The following SLC30A10 variants were observed in gnomAD, a reference collection of about 807,000 sequenced individuals.
The protein encoded by SLC30A10 is solute carrier family 30 member 10, also known as calcium/manganese antiporter SLC30A10.
A neutral mutation model predicts 21.7 loss-of-function variants in SLC30A10; 8 were observed. The ratio of observed to expected loss-of-function variants is 0.37; its 90% CI spans 0.22 to 0.67. The LOEUF is 0.67. SLC30A10 is among the 30% of genes least tolerant of loss of function. The pLI, the probability that SLC30A10 is intolerant of heterozygous loss-of-function variation, is 0.58. For missense variants in SLC30A10, 521 were observed against 642.5 expected (o/e 0.81, Z 2.04); for synonymous variants, 272 against 279.4 (o/e 0.97, Z 0.26).
At chr1:219,943,935 TA>T in intron 1 of SLC30A10, among the ~76,000 whole-genome samples, 1 of 151,362 alleles carries the variant, frequency 6.6e-6, no homozygotes, top group East Asian at 2.0e-4. Flanking sequence ...CCGTCTCTAC[TA>T]AAAAATATAA....
intron 1 of SLC30A10, among the ~76,000 whole-genome samples, chr1:219,951,494 T>G (rs983310747): frequency 6.6e-6 from 1 of 151,334 alleles, no homozygotes; most frequent in Non-Finnish European, 1.5e-5. Flanking sequence ...GGCCGAGGCG[T>G]GTGGATCACG....
intron 1 of SLC30A10, among the ~76,000 whole-genome samples, chr1:219,940,982 C>G (rs1339689503): frequency 6.6e-6 from 1 of 152,138 alleles, no homozygotes; most frequent in African/African-American, 2.4e-5. Flanking sequence ...TAATAAATAT[C>G]TGACCCAGAA....
Position 219,912,596 on chromosome 1 carries a change from A to G in SLC30A10, c.*2853T>C, listed in dbSNP as rs1659439748. Reference sequence around the variant, plus strand: ...ACGCCTGTAATCCCAGCACTTTGGGAGGCCGAGGTGGGTGGATCACAAGGT... The same window carrying G: ...ACGCCTGTAATCCCAGCACTTTGGGGGGCCGAGGTGGGTGGATCACAAGGT... On this transcript the variant is annotated 3_prime_UTR_variant, in exon 4 of 4. Transcript: ENST00000366926. Among the ~76,000 whole-genome samples, 1 of 152,186 alleles carries G rather than the reference A, an allele frequency of 6.6e-6. No homozygotes were observed. Among genetic ancestry groups the G allele is most frequent in the African/African-American group, 2.4e-5 (1 of 41,440 alleles).
chr1:219,915,636 T>A lies in SLC30A10; in HGVS notation c.1271A>T (p.His424Leu). 1.9e-6 allele frequency: 3 copies of A among 1,614,238 alleles called. No homozygotes were observed. The highest frequency in any genetic ancestry group is 2.5e-6 in the Non-Finnish European group (3 of 1,180,046). ...CCPPGALPLA[H>L]VNGCAEHNGG... ...ATTGTGCTCAGCACAGCCATTGACG[T>A]GAGCCAGAGGCAGTGCCCCGGGGGG... Residue 424 changes from histidine to leucine, a missense_variant, in exon 4 of 4, where the codon CAC becomes CTC. Coordinates refer to ENST00000366926, the MANE Select transcript of SLC30A10 (RefSeq NM_018713.3).
chr1:219,949,338 CA>C (rs1233391511), intron 1 of SLC30A10, among the ~76,000 whole-genome samples: 3 of 151,946 alleles, frequency 2.0e-5, no homozygotes, highest in African/African-American at 7.3e-5. Flanking sequence ...TTCACAATAG[CA>C]AAGACTTGGA....
chr1:219,937,258 T>C (rs1290454841), intron 1 of SLC30A10, among the ~76,000 whole-genome samples: 1 of 152,234 alleles, frequency 6.6e-6, no homozygotes, highest in Non-Finnish European at 1.5e-5. Context: ...TCTGCCTAGA[T>C]GCCTGTGGGA....
In SLC30A10 at chr1:219,950,742, G is replaced by C. The variant is rs1026737055; in HGVS notation, n.80+7826C>G. Among the ~76,000 whole-genome samples the C allele has an allele frequency of 1.3e-4, 20 of 150,912 alleles. No homozygotes were observed. In the East Asian group the frequency reaches 3.8e-3, roughly 28 times the overall value. On this transcript the variant is annotated intron_variant and non_coding_transcript_variant, in intron 1 of 8. Transcript: ENST00000484239. Reference sequence around the variant, plus strand: ...AGACAGGTGGATCACCTGAGGTCAGGAGTTTGAGACCAGCCTAGCCAACAT... The same window carrying C: ...AGACAGGTGGATCACCTGAGGTCAGCAGTTTGAGACCAGCCTAGCCAACAT...
intron 1 of SLC30A10, among the ~76,000 whole-genome samples, chr1:219,935,947 T>C (rs770082112): frequency 1.3e-5 from 2 of 152,212 alleles, no homozygotes; most frequent in Non-Finnish European, 2.9e-5. Context: ...ATAAAATCTT[T>C]TGTAAATCTA....
At chr1:219,916,779 G>A (rs748894923) in intron 3 of SLC30A10, among the ~76,000 whole-genome samples, 4 of 152,098 alleles carry the variant, frequency 2.6e-5, no homozygotes, top group Non-Finnish European at 5.9e-5. Context: ...ACTGCATGAC[G>A]TTAGGCAATT....
At chr1:219,952,817 G>C (rs1226542520) in intron 1 of SLC30A10, among the ~76,000 whole-genome samples, 1 of 152,128 alleles carries the variant, frequency 6.6e-6, no homozygotes, top group Admixed American at 6.5e-5. Context: ...TAAGAACAAA[G>C]AGATGGTCTC....
At chr1:219,930,031 T>G (rs1694586), upstream of SLC30A10, among the ~76,000 whole-genome samples, 9,093 of 152,158 alleles carry the variant, frequency 0.06, 900 homozygotes, top group African/African-American at 0.21. Context: ...CCATAGAGGA[T>G]TTGAAGGTGC....
At chr1:219,925,115 G>C (rs886870393) in intron 2 of SLC30A10, among the ~76,000 whole-genome samples, 2 of 152,178 alleles carry the variant, frequency 1.3e-5, no homozygotes, top group African/African-American at 4.8e-5. Context: ...AATAGCTTAG[G>C]ACTAAAATTT....
chr1:219,943,722 G>A (rs537845667), intron 1 of SLC30A10, among the ~76,000 whole-genome samples: 17 of 152,110 alleles, frequency 1.1e-4, no homozygotes, highest in Non-Finnish European at 1.6e-4. Flanking sequence ...ATAAAAATAC[G>A]GAAAGTCTCA....
intron 1 of SLC30A10, among the ~76,000 whole-genome samples, 165 bp downstream of exon 1, chr1:219,927,636 A>AT (rs1391288394): frequency 2.0e-4 from 12 of 59,570 alleles, no homozygotes; most frequent in African/African-American, 7.4e-4. Flanking sequence ...GAATGGATTT[A>AT]TTAAAAAAAA....
upstream of SLC30A10, among the ~76,000 whole-genome samples, chr1:219,930,163 AAAAC>A (rs934836510): frequency 2.8e-4 from 43 of 151,756 alleles, no homozygotes; most frequent in Admixed American, 8.5e-4. Flanking sequence ...AAAACAACAA[AAAAC>A]AAACAAACAA....
At position 219,911,642 on chromosome 1, in the gene SLC30A10, G is replaced by C. The variant is rs1335149081; in HGVS notation, c.*3807C>G. Among the ~76,000 whole-genome samples the C allele has an allele frequency of 6.6e-6, 1 of 152,054 alleles. No individual in the cohort carries two copies. Among genetic ancestry groups the C allele is most frequent in the African/African-American group, 2.4e-5 (1 of 41,398 alleles). ...TTACATTTTTCTTTAAATATCCAAA[G>C]TTCTTATGTGGAAACAACTGCAATT... On this transcript the variant is annotated 3_prime_UTR_variant, in exon 4 of 4. Transcript: ENST00000366926.
upstream of SLC30A10, among the ~76,000 whole-genome samples, chr1:219,932,183 C>T (rs1659978551): frequency 1.3e-5 from 2 of 152,030 alleles, no homozygotes; most frequent in Admixed American, 1.3e-4. Flanking sequence ...CCAGACTCAG[C>T]CTCCTAAGTA....
At chr1:219,927,512 C>A (rs1415287051) in intron 1 of SLC30A10, among the ~76,000 whole-genome samples, 1 of 150,958 alleles carries the variant, frequency 6.6e-6, no homozygotes, top group East Asian at 1.9e-4. Flanking sequence ...TACTCATATA[C>A]AGAGAATAGG....
At chr1:219,920,118 G>T (rs972640817) in intron 2 of SLC30A10, among the ~76,000 whole-genome samples, 2 of 152,072 alleles carry the variant, frequency 1.3e-5, no homozygotes, top group South Asian at 2.1e-4. Flanking sequence ...GGAATAAAAA[G>T]AATTCCCATA....
Sources: allele counts gnomAD v4.1 joint callset (sites outside exome capture counted in the v4.1 genomes callset), GRCh38; gene constraint gnomAD v4.1.1; transcripts MANE v1.5; gene names NCBI Gene and HGNC (gene_info 2026-07-23, HGNC 2026-07-21).